DIAPH3: variants seen among roughly 807,000 people sequenced by gnomAD.
DIAPH3 encodes the protein protein diaphanous homolog 3.
In DIAPH3, 117 loss-of-function variants were observed where a neutral mutation model predicts 144.3. That is an observed-to-expected ratio of 0.81 (90% CI 0.70 to 0.95). The LOEUF (loss-of-function observed/expected upper bound fraction) is 0.95. Among genes scored for constraint, DIAPH3 ranks in the 40% least tolerant of loss-of-function variants. DIAPH3 has a pLI of 0.00. For synonymous variants in DIAPH3, 519 were observed against 488.9 expected, an observed-to-expected ratio of 1.06 and a Z score of -0.81; for missense variants, 1,421 against 1,412.7, an observed-to-expected ratio of 1.01 and a Z score of -0.09.
chr13:60,150,206 G>T (rs539839235), intron 1 of DIAPH3, among the ~76,000 whole-genome samples: 25 of 152,050 alleles, frequency 1.6e-4, no homozygotes, highest in Middle Eastern at 3.4e-3. Flanking sequence ...GTATTTTTTT[G>T]TACAGACGGG....
intron 20 of DIAPH3, among the ~76,000 whole-genome samples, chr13:59,895,132 T>C (rs1384715582): frequency 6.6e-6 from 1 of 152,074 alleles, no homozygotes; most frequent in African/African-American, 2.4e-5. Context: ...AGTGGGACAG[T>C]ATAAACACAA....
At chr13:59,726,859 A>T (rs756301552) in intron 27 of DIAPH3, among the ~76,000 whole-genome samples, 1 of 152,218 alleles carries the variant, frequency 6.6e-6, no homozygotes, top group East Asian at 1.9e-4. Context: ...ATTAAAAATA[A>T]AAGTGTATAA....
At chr13:59,764,447 C>T (rs2037770355) in intron 27 of DIAPH3, among the ~76,000 whole-genome samples, 1 of 151,390 alleles carries the variant, frequency 6.6e-6, no homozygotes, top group Non-Finnish European at 1.5e-5. Context: ...GTCCATTTGC[C>T]ACTGGGGCCC....
intron 4 of DIAPH3, among the ~76,000 whole-genome samples, chr13:60,086,420 A>T (rs1421856339): frequency 6.6e-6 from 1 of 152,180 alleles, no homozygotes; most frequent in Non-Finnish European, 1.5e-5. Flanking sequence ...AAATCGGTTC[A>T]TTGTGCTGAG....
chr13:60,159,503 T>G (rs1345308033), intron 1 of DIAPH3, among the ~76,000 whole-genome samples: 2 of 151,842 alleles, frequency 1.3e-5, no homozygotes, highest in African/African-American at 4.8e-5. Context: ...CACGTGCCTG[T>G]AATCCCAGTT....
chr13:60,003,526 T>C (rs1247176427), intron 9 of DIAPH3, among the ~76,000 whole-genome samples: 2 of 150,498 alleles, frequency 1.3e-5, no homozygotes, highest in Non-Finnish European at 3.0e-5. Flanking sequence ...TACATATATA[T>C]ATAGATATAT....
chr13:60,018,307 A>T (rs184697566), intron 5 of DIAPH3, among the ~76,000 whole-genome samples: 1 of 152,344 alleles, frequency 6.6e-6, no homozygotes, highest in Admixed American at 6.5e-5. Flanking sequence ...AAAATAGGCA[A>T]AGTAATTTTA....
chr13:59,807,346 A>G (rs1278886347), intron 25 of DIAPH3, among the ~76,000 whole-genome samples: 1 of 152,022 alleles, frequency 6.6e-6, no homozygotes, highest in Non-Finnish European at 1.5e-5. Flanking sequence ...TCTGAAAAAA[A>G]AATTCAAAGT....
intron 27 of DIAPH3, among the ~76,000 whole-genome samples, chr13:59,766,817 A>G (rs887072555): frequency 4.6e-4 from 70 of 151,978 alleles, no homozygotes; most frequent in Non-Finnish European, 5.0e-4. Flanking sequence ...AAAGAAAGAA[A>G]AAAAGCTCCA....
chr13:59,787,759 C>G (rs556552979), intron 25 of DIAPH3, among the ~76,000 whole-genome samples: 40 of 152,222 alleles, frequency 2.6e-4, no homozygotes, highest in Non-Finnish European at 4.3e-4. Flanking sequence ...GTGTTCCCCC[C>G]CAACCCCAAA....
chr13:59,738,564 A>G (rs564279149), intron 27 of DIAPH3, among the ~76,000 whole-genome samples: 1 of 152,318 alleles, frequency 6.6e-6, no homozygotes, highest in East Asian at 1.9e-4. Flanking sequence ...GCCCCCACCA[A>G]GACGGATTTA....
At chr13:59,897,870 G>A (rs375723977) in intron 20 of DIAPH3, among the ~76,000 whole-genome samples, 7 of 151,728 alleles carry the variant, frequency 4.6e-5, no homozygotes, top group Non-Finnish European at 8.8e-5. Flanking sequence ...GGTGGCTCAC[G>A]CCTGTAATTC....
chr13:59,814,652 G>C (rs934356443), intron 24 of DIAPH3, among the ~76,000 whole-genome samples: 2 of 152,180 alleles, frequency 1.3e-5, no homozygotes, highest in African/African-American at 4.8e-5. Context: ...GAAAAGTTAA[G>C]GGTTAGCCAG....
intron 4 of DIAPH3, among the ~76,000 whole-genome samples, chr13:60,068,425 T>C (rs897043562): frequency 6.6e-5 from 10 of 152,214 alleles, no homozygotes; most frequent in Non-Finnish European, 8.8e-5. Flanking sequence ...TCTTTACAGA[T>C]GTACTTACTT....
chr13:60,035,757 C>A (rs2055167403), intron 5 of DIAPH3, among the ~76,000 whole-genome samples: 2 of 152,086 alleles, frequency 1.3e-5, no homozygotes, highest in Admixed American at 1.3e-4. Flanking sequence ...ATATTAATAA[C>A]CTACCTAATA....
At position 60,083,341 on chromosome 13, in the gene DIAPH3, G is replaced by C. The variant is rs536724988; in HGVS notation, c.495+10287C>G. Among the ~76,000 whole-genome samples the C allele has an allele frequency of 9.8e-4, 149 of 151,982 alleles. 1 individual carries two copies. The highest frequency in any genetic ancestry group is 3.4e-3 in the Middle Eastern group (1 of 294). ...TTATCCTAAATTTCCTATATCACTG[G>C]CTAACCAAACAGTATTTGAGAGATG... On this transcript the variant is annotated intron_variant, in intron 4 of 27. Transcript: ENST00000400324.
chr13:59,833,041 T>C (rs2041858647), intron 24 of DIAPH3, 66 bp downstream of exon 24: 2 of 1,179,156 alleles, frequency 1.7e-6, no homozygotes, highest in Non-Finnish European at 2.4e-6. Context: ...TAGAACGATG[T>C]AATGAGATAA....
intron 14 of DIAPH3, among the ~76,000 whole-genome samples, chr13:59,977,966 T>C (rs764115829): frequency 6.6e-6 from 1 of 151,788 alleles, no homozygotes; most frequent in Admixed American, 6.6e-5. Context: ...TTCTTCATAC[T>C]GATTCCTCAA....
rs557290818 is a variant in DIAPH3, at chr13:59,797,803, T to C, written c.3163+12985A>G. Reference sequence around the variant, plus strand: ...GGAAAGGGCCACCTCCAGCTTATCCTCATGAGCTAAACATGGTTTATTTTC... The same window carrying C: ...GGAAAGGGCCACCTCCAGCTTATCCCCATGAGCTAAACATGGTTTATTTTC... On this transcript the variant is annotated intron_variant, in intron 25 of 27. Transcript: ENST00000400324. 1.3e-4 allele frequency among the ~76,000 whole-genome samples: 20 copies of C among 152,254 alleles called. No homozygotes were observed. The South Asian group carries it at 2.1e-3, about 16-fold the overall frequency.
Sources: gnomAD v4.1 joint callset for allele counts (sites outside exome capture counted in the v4.1 genomes callset) on GRCh38, gnomAD v4.1.1 for gene constraint, MANE v1.5 for transcripts, NCBI Gene and HGNC (gene_info 2026-07-23, HGNC 2026-07-21) for gene names.